The following MAST2 variants were observed in gnomAD, a reference collection of about 807,000 sequenced individuals.
MAST2 encodes microtubule-associated serine/threonine-protein kinase 2.
MAST2 carries 70 observed loss-of-function variants against 147.4 expected under a neutral mutation model. That is an observed-to-expected ratio of 0.47 (90% CI 0.39 to 0.58). The LOEUF (loss-of-function observed/expected upper bound fraction) is 0.58, where lower values mean the gene tolerates loss of function less well. Among genes scored for constraint, MAST2 ranks in the 20% least tolerant of loss-of-function variants. The pLI is 0.00. For missense variants in MAST2, 2,080 were observed against 2,302.3 expected (o/e 0.90, Z 1.98); for synonymous variants, 869 against 896.8 (o/e 0.97, Z 0.55).
intron 16 of MAST2, among the ~76,000 whole-genome samples, 199 bp downstream of exon 16, chr1:46,026,014 CTA>C (rs1302720864): frequency 1.1e-4 from 16 of 152,286 alleles, no homozygotes; most frequent in Non-Finnish European, 2.9e-5. Context: ...GGCTGGAACA[CTA>C]TAAGGCTTCG....
intron 15 of MAST2, chr1:46,024,373 G>A (rs1646313432): frequency 3.9e-6 from 1 of 253,508 alleles, no homozygotes; most frequent in Non-Finnish European, 7.8e-6. Flanking sequence ...TGACTGGCTT[G>A]CAAAGGGGAC....
intron 11 of MAST2, among the ~76,000 whole-genome samples, 173 bp from the exon 12 acceptor site, chr1:46,021,777 G>A (rs1646192739): frequency 6.6e-6 from 1 of 152,208 alleles, no homozygotes; most frequent in African/African-American, 2.4e-5. Context: ...AGACATCTTT[G>A]TCCCCATTCC....
intron 5 of MAST2, among the ~76,000 whole-genome samples, chr1:45,975,521 A>T (rs1253695757): frequency 7.1e-6 from 1 of 140,728 alleles, no homozygotes; most frequent in African/African-American, 2.7e-5. Context: ...AAAAAAAAAA[A>T]GCCAGGTGTG....
At chr1:45,974,353 T>C (rs1644047807) in intron 5 of MAST2, among the ~76,000 whole-genome samples, 1 of 152,170 alleles carries the variant, frequency 6.6e-6, no homozygotes, top group Non-Finnish European at 1.5e-5. Flanking sequence ...TCCCCACACT[T>C]CAGGAGGCCA....
chr1:45,851,612 G>T (rs1352296759), intron 3 of MAST2, among the ~76,000 whole-genome samples: 2 of 152,078 alleles, frequency 1.3e-5, no homozygotes, highest in Non-Finnish European at 2.9e-5. Flanking sequence ...GTCATAGGTG[G>T]CTTTTATTTA....
Position 46,034,064 on chromosome 1 carries a change from T to A in MAST2, c.3675-9T>A. The A allele has an allele frequency of 6.2e-7, 1 of 1,611,700 alleles. No individual in the cohort carries two copies. Among genetic ancestry groups the A allele is most frequent in the South Asian group, 1.1e-5 (1 of 90,656 alleles). Reference sequence around the variant, plus strand: ...GCACCGACTCAGCCTTTGACCCTTATCCCCGCAGCAGAAAAAGGAGCTCCC... The same window carrying A: ...GCACCGACTCAGCCTTTGACCCTTAACCCCGCAGCAGAAAAAGGAGCTCCC... On this transcript the variant is annotated splice_polypyrimidine_tract_variant and intron_variant, in intron 27 of 28. Transcript: ENST00000361297.
In MAST2 at chr1:45,939,980, G is replaced by GTTTTTTTTTTTTTTTTTTTT. The variant is rs1174123217; in HGVS notation, c.501-19404_501-19385dup. On this transcript the variant is annotated intron_variant, in intron 4 of 28. Coordinates refer to ENST00000361297, the MANE Select transcript of MAST2 (RefSeq NM_015112.3). ...AACGGAAGTTCTCTATTTATTTAGG[G>GTTTTTTTTTTTTTTTTTTTT]TTTTTTTTTTTTTTTTTTTTTGAGA... 5.1e-5 allele frequency among the ~76,000 whole-genome samples: 5 copies of GTTTTTTTTTTTTTTTTTTTT among 97,334 alleles called. 2 individuals carry two copies. Among genetic ancestry groups the GTTTTTTTTTTTTTTTTTTTT allele is most frequent in the Non-Finnish European group, 3.9e-5 (2 of 51,026 alleles). 63.9% of individuals were successfully genotyped at this position (97,334 alleles called of 152,430 possible).
At chr1:45,811,619 G>T (rs1317602346) in intron 1 of MAST2, among the ~76,000 whole-genome samples, 1 of 145,690 alleles carries the variant, frequency 6.9e-6, no homozygotes, top group Admixed American at 7.0e-5. Flanking sequence ...GATTATAGGC[G>T]TGAGCCACCG....
intron 1 of MAST2, among the ~76,000 whole-genome samples, chr1:45,816,713 C>A (rs1462759201): frequency 6.6e-6 from 1 of 152,158 alleles, no homozygotes; most frequent in African/African-American, 2.4e-5. Context: ...TGGAGTCTCG[C>A]TCTGTTGCCC....
chr1:45,830,181 C>CTTT lies in MAST2; in HGVS notation c.468+617_468+619dup, dbSNP rs11407885. 2.4e-3 allele frequency among the ~76,000 whole-genome samples: 256 copies of CTTT among 108,236 alleles called. 5 individuals carry two copies. Among genetic ancestry groups the CTTT allele is most frequent in the East Asian group, 0.012 (43 of 3,660 alleles). The allele number at this position is 108,236 out of a possible 152,430, so 71.0% of individuals were successfully genotyped here. A position where few individuals can be genotyped will look rare whatever the true frequency, so the allele number is the denominator to read the frequency against. On this transcript the variant is annotated intron_variant, in intron 3 of 28. Coordinates refer to ENST00000361297, the MANE Select transcript of MAST2 (RefSeq NM_015112.3). ...CTTAAGAATGAAATTTTAATTGAAT[C>CTTT]TTTTTTTTTTTTTTTTTTTGAGATG...
intron 3 of MAST2, among the ~76,000 whole-genome samples, chr1:45,876,391 A>C (rs1020678869): frequency 4.6e-5 from 7 of 152,220 alleles, no homozygotes; most frequent in African/African-American, 1.7e-4. Flanking sequence ...TGAAGCTGGA[A>C]TAGACTTGAA....
chr1:45,838,932 G>A (rs2147889123), intron 3 of MAST2, among the ~76,000 whole-genome samples: 1 of 152,046 alleles, frequency 6.6e-6, no homozygotes, highest in South Asian at 2.1e-4. Flanking sequence ...CTAAATGAAT[G>A]GAGAGATACA....
At chr1:45,811,629 G>A (rs1177158663) in intron 1 of MAST2, among the ~76,000 whole-genome samples, 7 of 141,386 alleles carry the variant, frequency 5.0e-5, no homozygotes, top group African/African-American at 1.1e-4. Flanking sequence ...GTGAGCCACC[G>A]CACCCGGCTT....
At chr1:45,901,722 A>G (rs4417003) in intron 4 of MAST2, among the ~76,000 whole-genome samples, 152,288 of 152,288 alleles carry the variant, frequency 1, 76,144 homozygotes, top group Non-Finnish European at 1. Context: ...TGTATTCCTA[A>G]GTATTTTATT....
At chr1:45,926,907 T>C (rs1482937885) in intron 4 of MAST2, among the ~76,000 whole-genome samples, 1 of 152,230 alleles carries the variant, frequency 6.6e-6, no homozygotes. Flanking sequence ...GCCAAATGGT[T>C]GCTCTTGCCT....
chr1:45,918,948 C>T (rs1452693014), intron 4 of MAST2, among the ~76,000 whole-genome samples: 1 of 152,006 alleles, frequency 6.6e-6, no homozygotes, highest in Non-Finnish European at 1.5e-5. Flanking sequence ...CATGGTGAAA[C>T]CCCATCTCTA....
chr1:45,971,707 C>A (rs1643920069), intron 5 of MAST2, among the ~76,000 whole-genome samples: 1 of 152,160 alleles, frequency 6.6e-6, no homozygotes, highest in Admixed American at 6.5e-5. Flanking sequence ...AGCTTAGTGG[C>A]ATTAAATTGA....
chr1:45,905,604 G>A (rs1439992577), intron 4 of MAST2, among the ~76,000 whole-genome samples: 1 of 152,090 alleles, frequency 6.6e-6, no homozygotes, highest in Non-Finnish European at 1.5e-5. Context: ...GTGAAACCCC[G>A]TCTCTACTAA....
chr1:45,880,646 T>G (rs1646803060), intron 3 of MAST2, among the ~76,000 whole-genome samples: 1 of 152,124 alleles, frequency 6.6e-6, no homozygotes, highest in African/African-American at 2.4e-5. Flanking sequence ...TTTTATAAAA[T>G]AAGCGAATTT....
Sources: gnomAD v4.1 joint callset for allele counts (sites outside exome capture counted in the v4.1 genomes callset) on GRCh38, gnomAD v4.1.1 for gene constraint, MANE v1.5 for transcripts, NCBI Gene and HGNC (gene_info 2026-07-23, HGNC 2026-07-21) for gene names.